MAPK10: variants seen among roughly 807,000 people sequenced by gnomAD.
MAPK10 encodes the protein JNK3 alpha protein kinase.
In MAPK10, 25 loss-of-function variants were observed where a neutral mutation model predicts 59.3. The ratio of observed to expected loss-of-function variants is 0.42; its 90% CI spans 0.31 to 0.59. The LOEUF is 0.59. Among genes scored for constraint, MAPK10 ranks in the 20% least tolerant of loss-of-function variants. The pLI is 0.15. For synonymous variants in MAPK10, 190 were observed against 200.5 expected, an observed-to-expected ratio of 0.95 and a Z score of 0.44; for missense variants, 351 against 568.9, an observed-to-expected ratio of 0.62 and a Z score of 3.90.
At chr4:86,585,106 G>A (rs1762571999) in intron 1 of MAPK10, among the ~76,000 whole-genome samples, 1 of 152,080 alleles carries the variant, frequency 6.6e-6, no homozygotes, top group African/African-American at 2.4e-5. Context: ...CGAGTAACTG[G>A]AGTATATTCT....
chr4:86,283,300 T>C (rs1283516620), intron 2 of MAPK10, among the ~76,000 whole-genome samples: 1 of 152,178 alleles, frequency 6.6e-6, no homozygotes, highest in African/African-American at 2.4e-5. Flanking sequence ...GAAAACCATG[T>C]AGAATATGTC....
intron 1 of MAPK10, among the ~76,000 whole-genome samples, chr4:86,482,487 G>C (rs1211919185): frequency 6.6e-6 from 1 of 152,032 alleles, no homozygotes; most frequent in African/African-American, 2.4e-5. Context: ...GAAGGATGGT[G>C]GGGGGATGCA....
At chr4:86,452,374 A>C (rs1343692991) in intron 1 of MAPK10, among the ~76,000 whole-genome samples, 1 of 152,184 alleles carries the variant, frequency 6.6e-6, no homozygotes, top group Non-Finnish European at 1.5e-5. Flanking sequence ...CTTTCACTCT[A>C]AGCATGCAAG....
chr4:86,033,944 C>T (rs2039634649), intron 11 of MAPK10, among the ~76,000 whole-genome samples: 1 of 152,228 alleles, frequency 6.6e-6, no homozygotes, highest in Non-Finnish European at 1.5e-5. Flanking sequence ...TAGTTCAAAA[C>T]ATTCCCTGCC....
intron 3 of MAPK10, among the ~76,000 whole-genome samples, chr4:86,182,283 A>G (rs1440504206): frequency 6.6e-6 from 1 of 152,156 alleles, no homozygotes; most frequent in Non-Finnish European, 1.5e-5. Flanking sequence ...GAATTAAGGT[A>G]AAAACTATTA....
intron 1 of MAPK10, among the ~76,000 whole-genome samples, chr4:86,548,152 G>A (rs1759408843): frequency 6.6e-6 from 1 of 152,060 alleles, no homozygotes; most frequent in South Asian, 2.1e-4. Context: ...CACCGCGAAG[G>A]TCTGCAGCTT....
intron 2 of MAPK10, among the ~76,000 whole-genome samples, chr4:86,291,631 C>T (rs550522708): frequency 1.3e-5 from 2 of 152,124 alleles, no homozygotes; most frequent in African/African-American, 4.8e-5. Flanking sequence ...TGTAGATTTA[C>T]ATTTATACCG....
intron 2 of MAPK10, among the ~76,000 whole-genome samples, chr4:86,201,915 A>G (rs76369390): frequency 0.085 from 12,844 of 151,792 alleles, 1,189 homozygotes; most frequent in African/African-American, 0.23. Flanking sequence ...ATATAGTTTA[A>G]GAAACTTACA....
At chr4:86,335,545 T>A (rs1720709199) in intron 2 of MAPK10, among the ~76,000 whole-genome samples, 1 of 152,198 alleles carries the variant, frequency 6.6e-6, no homozygotes, top group Non-Finnish European at 1.5e-5. Context: ...CTTCTTCTTC[T>A]TCTCTTACTC....
chr4:86,497,546 A>G (rs943300425), intron 1 of MAPK10, among the ~76,000 whole-genome samples: 5 of 152,166 alleles, frequency 3.3e-5, no homozygotes, highest in Non-Finnish European at 7.3e-5. Flanking sequence ...AAATGTACCT[A>G]TGATCACTGA....
At chr4:86,256,969 G>T (rs1389170074) in intron 2 of MAPK10, among the ~76,000 whole-genome samples, 1 of 127,936 alleles carries the variant, frequency 7.8e-6, no homozygotes, top group Non-Finnish European at 1.6e-5. Flanking sequence ...AGCCAGGATG[G>T]TCTCGATCTT....
chr4:86,135,227 G>A (rs1580974705), intron 4 of MAPK10, among the ~76,000 whole-genome samples: 2 of 152,292 alleles, frequency 1.3e-5, no homozygotes, highest in East Asian at 3.9e-4. Flanking sequence ...TCCACCTCTG[G>A]GGGCAGGGCA....
intron 1 of MAPK10, among the ~76,000 whole-genome samples, chr4:86,546,338 A>G (rs946042743): frequency 1.3e-5 from 2 of 152,074 alleles, no homozygotes; most frequent in Non-Finnish European, 2.9e-5. Flanking sequence ...ACCTGAGGTT[A>G]GGAGTTCGAG....
intron 1 of MAPK10, among the ~76,000 whole-genome samples, chr4:86,372,898 G>A (rs1219657325): frequency 2.0e-5 from 3 of 152,116 alleles, no homozygotes; most frequent in Non-Finnish European, 1.5e-5. Context: ...CAGATGACAA[G>A]AAATAACAGC....
rs762240053 is a variant in MAPK10, at chr4:86,107,142, T to C, written c.366+81A>G. ...GGAATTGCAAAGCAAAGAAAGCCTT[T>C]CTTACTCAAGTACAGACACATTTTC... On this transcript the variant is annotated intron_variant, in intron 5 of 13. Coordinates refer to ENST00000641462, the MANE Select transcript of MAPK10 (RefSeq NM_138982.4). The C allele has an allele frequency of 3.9e-4, 452 of 1,144,358 alleles. 2 individuals carry two copies. The Middle Eastern group carries it at 0.011, about 27-fold the overall frequency. The allele number at this position is 1,144,358 out of a possible 1,614,324, so 70.9% of individuals were successfully genotyped here.
intron 2 of MAPK10, among the ~76,000 whole-genome samples, chr4:86,211,086 C>T (rs2085669611): frequency 6.6e-6 from 1 of 151,700 alleles, no homozygotes; most frequent in Non-Finnish European, 1.5e-5. Flanking sequence ...CCTAAGCAAC[C>T]TGTGGAACAC....
chr4:86,353,404 T>G (rs557807428), intron 2 of MAPK10, among the ~76,000 whole-genome samples: 1 of 152,314 alleles, frequency 6.6e-6, no homozygotes, highest in Admixed American at 6.5e-5. Flanking sequence ...GAACATGGTA[T>G]GCTTTCTACA....
intron 1 of MAPK10, among the ~76,000 whole-genome samples, chr4:86,506,187 G>A (rs1446791480): frequency 6.6e-6 from 1 of 152,072 alleles, no homozygotes; most frequent in Non-Finnish European, 1.5e-5. Flanking sequence ...AATCCAGGAA[G>A]GGAAAAATTA....
At chr4:86,422,736 G>A (rs1746699106) in intron 1 of MAPK10, among the ~76,000 whole-genome samples, 1 of 152,098 alleles carries the variant, frequency 6.6e-6, no homozygotes, top group Non-Finnish European at 1.5e-5. Context: ...GAAACAAAAA[G>A]GTGAAAAGTA....
Sources: gnomAD v4.1 joint callset for allele counts (sites outside exome capture counted in the v4.1 genomes callset) on GRCh38, gnomAD v4.1.1 for gene constraint, MANE v1.5 for transcripts, NCBI Gene and HGNC (gene_info 2026-07-23, HGNC 2026-07-21) for gene names.